The following TXNRD2 variants were observed in gnomAD, a reference collection of about 807,000 sequenced individuals.
TXNRD2 encodes the protein thioredoxin reductase 2.
A neutral mutation model predicts 70.8 loss-of-function variants in TXNRD2; 67 were observed. The ratio of observed to expected loss-of-function variants is 0.95; its 90% CI spans 0.78 to 1.16. The LOEUF (loss-of-function observed/expected upper bound fraction) is 1.16. Among genes scored for constraint, TXNRD2 ranks in the 50% most tolerant of loss-of-function variants. The probability of loss-of-function intolerance (pLI) is 0.00; values close to 1 mark genes in which losing one functional copy is unlikely to be tolerated. For synonymous variants in TXNRD2, 301 were observed against 295.8 expected, an observed-to-expected ratio of 1.02 and a Z score of -0.18; for missense variants, 644 against 719.9, an observed-to-expected ratio of 0.89 and a Z score of 1.21.
In TXNRD2 at chr22:19,895,582, C is replaced by T. The variant is rs2145970512; in HGVS notation, c.775-1G>A. ...GCTCTATGACCATGGAGGACATTTG[C>T]TGCAAAGCACAAGAAGACAGGCCAT... On this transcript the variant is annotated splice_acceptor_variant, in intron 10 of 17. Transcript: ENST00000400521. LOFTEE classifies it high-confidence loss of function. 6.2e-7 allele frequency: 1 copy of T among 1,610,312 alleles called. No individual in the cohort carries two copies. The highest frequency in any genetic ancestry group is 2.2e-5 in the East Asian group (1 of 44,882).
chr22:19,918,255 C>T (rs1159997319), intron 4 of TXNRD2, 38 bp from the exon 5 acceptor site: 2 of 1,564,816 alleles, frequency 1.3e-6, no homozygotes, highest in East Asian at 2.2e-5. Context: ...ATCCACAACA[C>T]AGGTGTTAGC....
intron 2 of TXNRD2, among the ~76,000 whole-genome samples, chr22:19,925,249 A>T (rs1292902844): frequency 2.0e-5 from 3 of 151,874 alleles, no homozygotes; most frequent in African/African-American, 4.9e-5. Context: ...GCACCACTGC[A>T]CTCCAGCCTG....
chr22:19,888,425 C>T (rs1569076153), intron 11 of TXNRD2, among the ~76,000 whole-genome samples: 1 of 152,250 alleles, frequency 6.6e-6, no homozygotes, highest in Non-Finnish European at 1.5e-5. Context: ...GGACGGCCAG[C>T]CGCATGCAGT....
At chr22:19,904,058 C>T (rs146032841) in intron 8 of TXNRD2, among the ~76,000 whole-genome samples, 147 of 152,318 alleles carry the variant, frequency 9.7e-4, no homozygotes, top group Non-Finnish European at 1.6e-3. Context: ...ATGGCAGAGG[C>T]GGAGCAGGAG....
At position 19,892,037 on chromosome 22, in the gene TXNRD2, C is replaced by G. The variant is rs1044898001; in HGVS notation, c.949+3370G>C. Among the ~76,000 whole-genome samples the G allele has an allele frequency of 9.2e-5, 14 of 152,192 alleles. 1 individual carries two copies. Among genetic ancestry groups the G allele is most frequent in the Non-Finnish European group, 1.9e-4 (13 of 68,040 alleles). On this transcript the variant is annotated intron_variant, in intron 11 of 17. Coordinates refer to ENST00000400521, the MANE Select transcript of TXNRD2 (RefSeq NM_006440.5). ...GGAGCTCTGTGCAGCACCTGGGCCC[C>G]TTCTGTGTGTGTGTGCACCGGGCAC... is the stretch of plus-strand genomic sequence containing the variant.
intron 11 of TXNRD2, among the ~76,000 whole-genome samples, chr22:19,892,454 ACTGT>A (rs533807471): frequency 1.1e-3 from 175 of 152,384 alleles, no homozygotes; most frequent in Admixed American, 3.1e-3. Context: ...TGCCAGGCAG[ACTGT>A]CTGGGGGATG....
At chr22:19,932,522 G>A (rs545981257) in intron 1 of TXNRD2, 43 of 1,555,724 alleles carry the variant, frequency 2.8e-5, no homozygotes, top group Middle Eastern at 3.4e-4. Flanking sequence ...AAGTAGAGAG[G>A]GGAAGTACAC....
At position 19,907,745 on chromosome 22, in the gene TXNRD2, G is replaced by A. The variant is rs1241334379; in HGVS notation, c.662+3632C>T. On this transcript the variant is annotated intron_variant, in intron 8 of 17. Coordinates refer to ENST00000400521, the MANE Select transcript of TXNRD2 (RefSeq NM_006440.5). ...GTGTGGGCGCACCATGGGTAGCAGC[G>A]ACCGCTCTCAGGAGAGTGTGGGCGC... 1.1e-4 allele frequency among the ~76,000 whole-genome samples: 5 copies of A among 43,820 alleles called. 1 individual carries two copies. The highest frequency in any genetic ancestry group is 4.2e-4 in the African/African-American group (5 of 11,972). 28.7% of individuals were successfully genotyped at this position (43,820 alleles called of 152,430 possible). A position where few individuals can be genotyped will look rare whatever the true frequency, so the allele number is the denominator to read the frequency against.
chr22:19,918,962 C>G lies in TXNRD2; in HGVS notation c.272G>C (p.Cys91Ser). Residue 91 changes from cysteine to serine, a missense_variant, in exon 4 of 18, where the codon TGC becomes TCC. Physicochemically the swap from Cys to Ser is moderately radical, Grantham distance 112. This residue lies in a region of TXNRD2 where 566 missense variants were observed against 645.0 expected (regional missense o/e 0.88). Coordinates refer to ENST00000400521, the MANE Select transcript of TXNRD2 (RefSeq NM_006440.5). Reference protein sequence around the residue: ...GLGGTCVNVGCIPKKLMHQAA... With the variant: ...GLGGTCVNVGSIPKKLMHQAA... ...CTGGTGCATCAGCTTCTTGGGGATG[C>G]AGCCCACGTTGACGCAGGTGCCGCC... 1 of 1,612,646 alleles carries G rather than the reference C, an allele frequency of 6.2e-7. No individual in the cohort carries two copies. The highest frequency in any genetic ancestry group is 8.5e-7 in the Non-Finnish European group (1 of 1,179,956).
At chr22:19,890,686 C>T (rs531262186) in intron 11 of TXNRD2, among the ~76,000 whole-genome samples, 22 of 152,324 alleles carry the variant, frequency 1.4e-4, no homozygotes, top group African/African-American at 4.1e-4. Flanking sequence ...GCTTAGGATG[C>T]TCCCACCCAT....
At chr22:19,932,154 C>A (rs537113619) in intron 1 of TXNRD2, among the ~76,000 whole-genome samples, 87 of 130,968 alleles carry the variant, frequency 6.6e-4, no homozygotes, top group Non-Finnish European at 1.1e-3. Flanking sequence ...GAGTGAGACT[C>A]CGTCTCAAAA....
intron 16 of TXNRD2, 129 bp from the exon 17 acceptor site, chr22:19,877,363 C>G: frequency 1.2e-6 from 1 of 821,764 alleles, no homozygotes; most frequent in Non-Finnish European, 1.9e-6. Flanking sequence ...CCCCAGCCAG[C>G]AGCCAGGACC....
At chr22:19,927,500 A>T (rs1941191189) in intron 2 of TXNRD2, among the ~76,000 whole-genome samples, 1 of 151,322 alleles carries the variant, frequency 6.6e-6, no homozygotes, top group African/African-American at 2.4e-5. Flanking sequence ...CACCAAAAAA[A>T]TACAAAAAGT....
At chr22:19,905,473 G>C (rs1939968020) in intron 8 of TXNRD2, among the ~76,000 whole-genome samples, 1 of 152,160 alleles carries the variant, frequency 6.6e-6, no homozygotes, top group South Asian at 2.1e-4. Flanking sequence ...CAGCCACCTT[G>C]CTAGGGAGAC....
intron 1 of TXNRD2, among the ~76,000 whole-genome samples, chr22:19,936,243 T>C (rs1430762513): frequency 6.6e-6 from 1 of 152,112 alleles, no homozygotes; most frequent in East Asian, 1.9e-4. Flanking sequence ...TTTCTGAATC[T>C]GGCCACCCTC....
intron 7 of TXNRD2, among the ~76,000 whole-genome samples, chr22:19,912,916 A>C (rs1227052193): frequency 6.6e-6 from 1 of 152,182 alleles, no homozygotes; most frequent in East Asian, 1.9e-4. Flanking sequence ...CTCTGCCTCC[A>C]CCGGACTGCC....
At chr22:19,916,642 C>CTT (rs67716689) in intron 5 of TXNRD2, among the ~76,000 whole-genome samples, 1 of 129,266 alleles carries the variant, frequency 7.7e-6, no homozygotes, top group East Asian at 2.3e-4. Flanking sequence ...GCGCCCCACC[C>CTT]TTTTTTTTTT....
At chr22:19,887,813 T>C (rs1011136659) in intron 11 of TXNRD2, 2 of 152,200 alleles carry the variant, frequency 1.3e-5, no homozygotes, top group African/African-American at 4.8e-5. Context: ...CCACTACATA[T>C]AAGGCAAAGA....
At chr22:19,899,147 GCCTTTGC>G in intron 8 of TXNRD2, 79 bp from the exon 9 acceptor site, 1 of 1,587,122 alleles carries the variant, frequency 6.3e-7, no homozygotes, top group Non-Finnish European at 8.6e-7. Flanking sequence ...GAACCCCGCA[GCCTTTGC>G]CCAGGCCCTT....
Sources: gnomAD v4.1 joint callset for allele counts (sites outside exome capture counted in the v4.1 genomes callset) on GRCh38, gnomAD v4.1.1 for gene constraint, gnomAD v4.1.1 regional missense constraint, MANE v1.5 for transcripts, NCBI Gene and HGNC (gene_info 2026-07-23, HGNC 2026-07-21) for gene names.